DENND2B: variants seen among roughly 807,000 people sequenced by gnomAD.
DENND2B encodes the protein DENN domain-containing protein 2B.
DENND2B carries 32 observed loss-of-function variants against 116.0 expected under a neutral mutation model. That is an observed-to-expected ratio of 0.28 (90% CI 0.21 to 0.37). The LOEUF (loss-of-function observed/expected upper bound fraction) is 0.37. Ranked by LOEUF, DENND2B falls within the 10% of genes least tolerant of loss-of-function variation. The probability of loss-of-function intolerance (pLI) is 1.00; values close to 1 mark genes in which losing one functional copy is unlikely to be tolerated. For synonymous variants in DENND2B, 588 were observed against 583.9 expected (o/e 1.01, Z -0.10); for missense variants, 1,276 against 1,477.7 (o/e 0.86, Z 2.24).
At chr11:8,747,853 T>A (rs1373831613) in intron 2 of DENND2B, among the ~76,000 whole-genome samples, 1 of 152,144 alleles carries the variant, frequency 6.6e-6, no homozygotes, top group Non-Finnish European at 1.5e-5. Flanking sequence ...AGGAAGGGAA[T>A]AAATTAGCAA....
At chr11:8,778,293 G>A (rs970273841) in intron 1 of DENND2B, among the ~76,000 whole-genome samples, 5 of 152,140 alleles carry the variant, frequency 3.3e-5, no homozygotes, top group Middle Eastern at 3.2e-3. Flanking sequence ...CTTCCTACTT[G>A]ACTGCTTTCA....
At chr11:8,800,850 A>G (rs1565978028) in intron 1 of DENND2B, among the ~76,000 whole-genome samples, 1 of 152,152 alleles carries the variant, frequency 6.6e-6, no homozygotes, top group East Asian at 1.9e-4. Context: ...GGAGCTATTC[A>G]TTCTCTTTAG....
intron 1 of DENND2B, among the ~76,000 whole-genome samples, chr11:8,779,477 G>C (rs1593569925): frequency 6.6e-6 from 1 of 151,574 alleles, no homozygotes; most frequent in East Asian, 1.9e-4. Context: ...GCATGCTCGG[G>C]GTTTCCTTTT....
At chr11:8,720,035 C>T (rs949139446) in intron 4 of DENND2B, among the ~76,000 whole-genome samples, 2 of 152,134 alleles carry the variant, frequency 1.3e-5, no homozygotes, top group African/African-American at 4.8e-5. Flanking sequence ...ATTAGCATCT[C>T]CTTAGCTATA....
chr11:8,732,901 CCT>C (rs1352299575), intron 2 of DENND2B, among the ~76,000 whole-genome samples: 1 of 152,232 alleles, frequency 6.6e-6, no homozygotes, highest in African/African-American at 2.4e-5. Flanking sequence ...GCCAGCTGCC[CCT>C]GAGCCAGGCT....
intron 1 of DENND2B, among the ~76,000 whole-genome samples, chr11:8,757,374 T>C (rs2053800525): frequency 6.6e-6 from 1 of 152,204 alleles, no homozygotes; most frequent in African/African-American, 2.4e-5. Context: ...ATCATTCCAT[T>C]CACTGACCCT....
chr11:8,808,469 T>C (rs1052926310), intron 1 of DENND2B: 2 of 152,228 alleles, frequency 1.3e-5, no homozygotes, highest in Non-Finnish European at 2.9e-5. Context: ...GGCTCCAGTT[T>C]TATGGCAAAC....
intron 1 of DENND2B, among the ~76,000 whole-genome samples, chr11:8,760,165 G>A (rs772456973): frequency 1.3e-5 from 2 of 152,062 alleles, no homozygotes; most frequent in Non-Finnish European, 2.9e-5. Flanking sequence ...GGGATAAAAG[G>A]GCTCCTAGAA....
chr11:8,694,025 G>C lies in DENND2B; in HGVS notation c.*71C>G, dbSNP rs898214168. The C allele has an allele frequency of 1.0e-5, 16 of 1,577,120 alleles. No homozygotes were observed. In the African/African-American group the frequency reaches 2.2e-4, roughly 21 times the overall value. On this transcript the variant is annotated 3_prime_UTR_variant, in exon 20 of 20. Transcript: ENST00000313726. ...CAGAGGAGCCACAGCAGCCCAGAGG[G>C]TCCCAGGCTGGGCCTTCTCCCCAGG...
At chr11:8,846,642 G>A (rs947284073) in intron 3 of DENND2B, among the ~76,000 whole-genome samples, 5 of 152,064 alleles carry the variant, frequency 3.3e-5, no homozygotes, top group Non-Finnish European at 7.4e-5. Flanking sequence ...CCCCTTTCTC[G>A]TTCTCTTCAC....
At chr11:8,814,215 T>A (rs1032523467), upstream of DENND2B, among the ~76,000 whole-genome samples, 1 of 150,072 alleles carries the variant, frequency 6.7e-6, no homozygotes, top group Non-Finnish European at 1.5e-5. Flanking sequence ...ACCTCCTAAT[T>A]GCCCCAGCTT....
At chr11:8,828,939 AAGTG>A (rs2062084818) in intron 4 of DENND2B, among the ~76,000 whole-genome samples, 1 of 151,172 alleles carries the variant, frequency 6.6e-6, no homozygotes, top group Admixed American at 6.6e-5. Flanking sequence ...AGGGAGGAGA[AAGTG>A]TGTGTGTGTG....
intron 4 of DENND2B, among the ~76,000 whole-genome samples, chr11:8,818,354 C>A (rs1364880026): frequency 2.0e-5 from 3 of 151,944 alleles, no homozygotes; most frequent in Admixed American, 6.6e-5. Flanking sequence ...TGATTAAAAT[C>A]TTCAGGATTG....
chr11:8,754,029 GCACACACACACACA>G (rs60488372), intron 1 of DENND2B, among the ~76,000 whole-genome samples: 13 of 138,830 alleles, frequency 9.4e-5, no homozygotes, highest in Admixed American at 1.4e-4. Context: ...CCAAAAGCGC[GCACACACACACACA>G]CACACACACA....
At chr11:8,875,482 G>A (rs2063832183), upstream of DENND2B, among the ~76,000 whole-genome samples, 1 of 150,548 alleles carries the variant, frequency 6.6e-6, no homozygotes, top group South Asian at 2.1e-4. Flanking sequence ...CCAGGCTGGA[G>A]TGCAGTGGCA....
chr11:8,712,664 C>G lies in DENND2B; in HGVS notation c.2059G>C (p.Glu687Gln). 1 of 1,606,184 alleles carries G rather than the reference C, an allele frequency of 6.2e-7. No homozygotes were observed. Among genetic ancestry groups the G allele is most frequent in the Non-Finnish European group, 8.5e-7 (1 of 1,176,872 alleles). ...RAPSYRTLEL[E>Q]LLEWQERELF... ...TCCCGCTCCTGCCACTCCAGCAGCT[C>G]CAGCTCCAGCGTGCGATAGCTGGGG... is the stretch of plus-strand genomic sequence containing the variant. Residue 687 changes from glutamate to glutamine, a missense_variant, in exon 9 of 20, where the codon GAG becomes CAG. Coordinates refer to ENST00000313726, the MANE Select transcript of DENND2B (RefSeq NM_213618.2). The surrounding 1 kb of genome is among the most constrained non-coding windows in gnomAD (Gnocchi z 4.4).
At position 8,699,194 on chromosome 11, in the gene DENND2B, G is replaced by A; in HGVS notation, c.2898+19C>T. On this transcript the variant is annotated intron_variant, in intron 15 of 19. Transcript: ENST00000313726. ...TCCCCCTCCACCCTTCCCCCCAGCTGGTTCCCCCGGTGGCCCACCTCCTCC... is the reference window on the plus strand; with the variant it reads ...TCCCCCTCCACCCTTCCCCCCAGCTAGTTCCCCCGGTGGCCCACCTCCTCC... 1.3e-6 allele frequency: 2 copies of A among 1,543,360 alleles called. No homozygotes were observed. The highest frequency in any genetic ancestry group is 2.5e-5 in the South Asian group (2 of 78,936).
At chr11:8,699,485 C>T in intron 14 of DENND2B, 95 bp from the exon 15 acceptor site, 1 of 1,290,720 alleles carries the variant, frequency 7.7e-7, no homozygotes, top group Non-Finnish European at 1.1e-6. Context: ...GTAAACCTCC[C>T]AGTGCAACAA....
At chr11:8,892,234 T>C (rs1462858709) in intron 1 of DENND2B, among the ~76,000 whole-genome samples, 1 of 152,126 alleles carries the variant, frequency 6.6e-6, no homozygotes, top group African/African-American at 2.4e-5. Context: ...TGGGACACAT[T>C]TAAAGCAGTG....
Sources: allele counts gnomAD v4.1 joint callset (sites outside exome capture counted in the v4.1 genomes callset), GRCh38; gene constraint gnomAD v4.1.1; non-coding constraint Gnocchi (gnomAD v3.1); transcripts MANE v1.5; gene names NCBI Gene and HGNC (gene_info 2026-07-23, HGNC 2026-07-21).